PCDHGA2: variants seen among roughly 807,000 people sequenced by gnomAD.
PCDHGA2 encodes protocadherin gamma-A2.
PCDHGA2 carries 40 observed loss-of-function variants against 59.2 expected under a neutral mutation model. The observed-to-expected ratio is 0.68, with a 90% CI of 0.52 to 0.88. PCDHGA2 has a LOEUF of 0.88. PCDHGA2 is among the 40% of genes least tolerant of loss of function. The pLI is 0.00. For missense variants in PCDHGA2, 1,226 were observed against 1,204.0 expected, an observed-to-expected ratio of 1.02 and a Z score of -0.27; for synonymous variants, 560 against 526.0, an observed-to-expected ratio of 1.06 and a Z score of -0.89.
In PCDHGA2 at chr5:141,355,391, T is replaced by C. The variant is rs537544095; in HGVS notation, c.2424+13996T>C. The stretch of plus-strand genomic sequence containing the variant: ...CCCCGGGAGCTGGCGGAGCGCGGAG[T>C]CCGCATCGTCTCCAGAGGTAGGACG... On this transcript the variant is annotated intron_variant, in intron 1 of 3. Coordinates refer to ENST00000394576, the MANE Select transcript of PCDHGA2 (RefSeq NM_018915.4). 4 of 1,613,888 alleles carry C rather than the reference T, an allele frequency of 2.5e-6. No individual in the cohort carries two copies. In the Admixed American group the frequency reaches 6.7e-5, roughly 27 times the overall value.
chr5:141,460,377 T>C (rs1592666836), intron 1 of PCDHGA2, among the ~76,000 whole-genome samples: 1 of 152,342 alleles, frequency 6.6e-6, no homozygotes, highest in Non-Finnish European at 1.5e-5. Flanking sequence ...AGTTTTACCA[T>C]TTATAATTTG....
Position 141,489,806 on chromosome 5 carries a change from A to G in PCDHGA2, c.2425-5001A>G. 1 of 1,614,198 alleles carries G rather than the reference A, an allele frequency of 6.2e-7. No homozygotes were observed. Among genetic ancestry groups the G allele is most frequent in the South Asian group, 1.1e-5 (1 of 91,082 alleles). Reference sequence around the variant, plus strand: ...AATGTGAAGACCCTAAAAGATGGGAAGCCATTCCCAGAGCTGGTGCTAGAG... The same window carrying G: ...AATGTGAAGACCCTAAAAGATGGGAGGCCATTCCCAGAGCTGGTGCTAGAG... On this transcript the variant is annotated intron_variant, in intron 1 of 3. Coordinates refer to ENST00000394576, the MANE Select transcript of PCDHGA2 (RefSeq NM_018915.4). The surrounding 1 kb of genome is among the most constrained non-coding windows in gnomAD (Gnocchi z 4.5).
At chr5:141,372,782 G>A (rs761699184) in intron 1 of PCDHGA2, 19 of 1,608,122 alleles carry the variant, frequency 1.2e-5, no homozygotes, top group African/African-American at 5.3e-5. Flanking sequence ...ATCCAGAAAT[G>A]CCTTCTAATT....
At chr5:141,371,900 G>T in intron 1 of PCDHGA2, 4 of 1,613,378 alleles carry the variant, frequency 2.5e-6, no homozygotes, top group Middle Eastern at 1.6e-4. Flanking sequence ...GGGAGCTGTC[G>T]TCCTACGTGT....
chr5:141,448,974 C>T (rs937711828), intron 1 of PCDHGA2, among the ~76,000 whole-genome samples: 5 of 151,994 alleles, frequency 3.3e-5, no homozygotes, highest in African/African-American at 1.2e-4. Context: ...CAAAAAAGAA[C>T]TTCCATATTA....
chr5:141,377,605 C>CTCA (rs200405264), intron 1 of PCDHGA2: 6 of 140,756 alleles, frequency 4.3e-5, no homozygotes, highest in South Asian at 4.7e-4. Context: ...CTCTCTCTCT[C>CTCA]AAAAAAAAAA....
intron 1 of PCDHGA2, chr5:141,418,974 G>C (rs754074516): frequency 1.0e-4 from 167 of 1,613,818 alleles, no homozygotes; most frequent in Non-Finnish European, 1.4e-4. Flanking sequence ...TTCAAAACAC[G>C]GGACCAAGAC....
At chr5:141,350,528 G>T in intron 1 of PCDHGA2, 1 of 1,614,034 alleles carries the variant, frequency 6.2e-7, no homozygotes, top group Non-Finnish European at 8.5e-7. Context: ...GATAGATCGA[G>T]AGAAGATTTG....
intron 1 of PCDHGA2, chr5:141,361,606 A>G (rs367687761): frequency 1.9e-6 from 3 of 1,613,784 alleles, no homozygotes; most frequent in African/African-American, 2.7e-5. Flanking sequence ...TTCCTACTCC[A>G]TCGTAGCGAG....
rs2099883627 is a variant in PCDHGA2, at chr5:141,511,136, G to A, written c.2762G>A (p.Gly921Asp). 4.3e-6 allele frequency: 7 copies of A among 1,614,194 alleles called. No homozygotes were observed. The East Asian group carries it at 1.6e-4, about 36-fold the overall frequency. The change falls in exon 4 of 4, where the codon GGC (glycine) becomes GAC (aspartate). Residue 921 changes from glycine (G) to aspartate (D), a missense_variant. Physicochemically the swap from Gly to Asp is moderately conservative, Grantham distance 94. Coordinates refer to ENST00000394576, the MANE Select transcript of PCDHGA2 (RefSeq NM_018915.4). ...GGCAAGGCCCCAGCAGGTGGCAATG[G>A]CAACAAGAAGAAGTCGGGCAAGAAG... Reference protein sequence around the residue: ...RDGKAPAGGNGNKKKSGKKEK... With the variant: ...RDGKAPAGGNDNKKKSGKKEK...
At chr5:141,370,580 T>C (rs1289069128) in intron 1 of PCDHGA2, 1 of 1,613,918 alleles carries the variant, frequency 6.2e-7, no homozygotes, top group Non-Finnish European at 8.5e-7. Context: ...GGGATTTACC[T>C]ACTAGGAACC....
At chr5:141,347,182 G>A (rs1490155209) in intron 1 of PCDHGA2, among the ~76,000 whole-genome samples, 2 of 26,144 alleles carry the variant, frequency 7.6e-5, no homozygotes, top group East Asian at 1.1e-3. Flanking sequence ...TTTCTTTCTT[G>A]ACAGGGTCTT....
chr5:141,380,459 C>T (rs1776510464), intron 1 of PCDHGA2, among the ~76,000 whole-genome samples: 1 of 152,164 alleles, frequency 6.6e-6, no homozygotes, highest in Non-Finnish European at 1.5e-5. Flanking sequence ...TGCAACCAAA[C>T]AAATGGTCAG....
At chr5:141,449,202 C>T (rs77980623) in intron 1 of PCDHGA2, among the ~76,000 whole-genome samples, 7,411 of 152,148 alleles carry the variant, frequency 0.049, 284 homozygotes, top group African/African-American at 0.1. Context: ...AGTGTTAATT[C>T]TAACTTTCTG....
chr5:141,370,879 T>G lies in PCDHGA2; in HGVS notation c.2424+29484T>G, dbSNP rs760679770. 18 of 1,613,950 alleles carry G rather than the reference T, an allele frequency of 1.1e-5. No individual in the cohort carries two copies. The highest frequency in any genetic ancestry group is 1.4e-5 in the Non-Finnish European group (17 of 1,179,914). On this transcript the variant is annotated intron_variant, in intron 1 of 3. Coordinates refer to ENST00000394576, the MANE Select transcript of PCDHGA2 (RefSeq NM_018915.4). ...CTGGAATCTGCGCAAGATCCTGATGTAGGTGTCAATTCGCTGCAGCAGTAC... is the reference window on the plus strand; with the variant it reads ...CTGGAATCTGCGCAAGATCCTGATGGAGGTGTCAATTCGCTGCAGCAGTAC...
chr5:141,464,524 T>C (rs2099086175), intron 1 of PCDHGA2, among the ~76,000 whole-genome samples: 1 of 152,094 alleles, frequency 6.6e-6, no homozygotes, highest in Non-Finnish European at 1.5e-5. Context: ...AAGGCATATG[T>C]AGTTTTGTTA....
rs1763497131 is a variant in PCDHGA2 at position 141,364,712 on chromosome 5, G to C, written c.2424+23317G>C. 1.9e-6 allele frequency: 3 copies of C among 1,613,834 alleles called. No homozygotes were observed. In the Admixed American group the frequency reaches 5.0e-5, roughly 27 times the overall value. On this transcript the variant is annotated intron_variant, in intron 1 of 3. Coordinates refer to ENST00000394576, the MANE Select transcript of PCDHGA2 (RefSeq NM_018915.4). ...AGAAGTAGAAATAATCGATATTAAT[G>C]ATAACTTCCCGCGTTTCCGGGATGA...
At chr5:141,360,638 A>G in intron 1 of PCDHGA2, 1 of 1,614,016 alleles carries the variant, frequency 6.2e-7, no homozygotes, top group Non-Finnish European at 8.5e-7. Context: ...AACTCACTAC[A>G]AAGATACCAC....
chr5:141,482,071 A>G (rs2099551527), intron 1 of PCDHGA2, among the ~76,000 whole-genome samples: 1 of 145,394 alleles, frequency 6.9e-6, no homozygotes, highest in Non-Finnish European at 1.5e-5. Flanking sequence ...GGCAACAAGA[A>G]CAAAACTCAC....
Sources: allele counts gnomAD v4.1 joint callset (sites outside exome capture counted in the v4.1 genomes callset), GRCh38; gene constraint gnomAD v4.1.1; non-coding constraint Gnocchi (gnomAD v3.1); transcripts MANE v1.5; gene names NCBI Gene and HGNC (gene_info 2026-07-23, HGNC 2026-07-21).